Variants in TXLNB observed in about 807,000 individuals in gnomAD.
TXLNB encodes beta-taxilin.
TXLNB carries 37 observed loss-of-function variants against 57.4 expected under a neutral mutation model. That is an observed-to-expected ratio of 0.64 (90% CI 0.50 to 0.85). The LOEUF is 0.85. TXLNB is among the 40% of genes least tolerant of loss of function. The pLI, the probability that TXLNB is intolerant of heterozygous loss-of-function variation, is 0.00. For synonymous variants in TXLNB, 302 were observed against 309.6 expected (o/e 0.98, Z 0.26); for missense variants, 848 against 825.6 (o/e 1.03, Z -0.33).
the TXLNB span, among the ~76,000 whole-genome samples, chr6:139,225,331 A>G: frequency 6.6e-6 from 1 of 152,312 alleles, no homozygotes; most frequent in African/African-American, 2.4e-5. Flanking sequence ...TCCAAGTACA[A>G]TAATGCAAGA....
upstream of TXLNB, among the ~76,000 whole-genome samples, chr6:139,294,089 G>C (rs1412431312): frequency 1.3e-5 from 2 of 152,062 alleles, no homozygotes; most frequent in Non-Finnish European, 2.9e-5. Flanking sequence ...ATGAAAATAG[G>C]ATAAATTCCT....
At chr6:139,285,517 T>C in intron 2 of TXLNB, among the ~76,000 whole-genome samples, 1 of 144,728 alleles carries the variant, frequency 6.9e-6, no homozygotes, top group East Asian at 2.0e-4. Context: ...TGTTTTTCCA[T>C]GTTCCAAAAC....
chr6:139,196,266 ATAG>A, the TXLNB span, among the ~76,000 whole-genome samples: 2 of 152,202 alleles, frequency 1.3e-5, no homozygotes, highest in Non-Finnish European at 2.9e-5. Context: ...AGTTTAGAAA[ATAG>A]TAGTAGCAAT....
chr6:139,239,886 C>A (rs868276354), downstream of TXLNB, among the ~76,000 whole-genome samples: 77 of 151,778 alleles, frequency 5.1e-4, no homozygotes, highest in Admixed American at 4.6e-3. The surrounding 1 kb of genome is among the most constrained non-coding windows in gnomAD (Gnocchi z 4.7). Flanking sequence ...ACACACACAC[C>A]CCCGCCCCCA....
rs1165951028 is a variant in TXLNB, at chr6:139,270,546, C to T, written c.597G>A (p.Gln199=). The change falls in exon 4 of 10, where the codon CAG becomes CAA. Residue 199 remains glutamine (Q), a synonymous_variant. Transcript: ENST00000358430. ...TAGCTCTGCTGTGTTCACCTTGTAACTGGTCCTTTTCTTTTTGAATTTGTA... is the reference window on the plus strand; with the variant it reads ...TAGCTCTGCTGTGTTCACCTTGTAATTGGTCCTTTTCTTTTTGAATTTGTA... ...KQVQIQKEKD[Q]LQGEHSRAIL... The T allele has an allele frequency of 1.2e-6, 2 of 1,614,066 alleles. No individual in the cohort carries two copies. The highest frequency in any genetic ancestry group is 1.1e-5 in the South Asian group (1 of 91,090).
chr6:139,273,026 C>T (rs897549020), intron 3 of TXLNB, among the ~76,000 whole-genome samples: 4 of 151,882 alleles, frequency 2.6e-5, no homozygotes, highest in African/African-American at 7.3e-5. Context: ...AAGAGCAAGA[C>T]TCCATCTCAA....
chr6:139,204,851 T>C, the TXLNB span, among the ~76,000 whole-genome samples: 1 of 152,170 alleles, frequency 6.6e-6, no homozygotes, highest in South Asian at 2.1e-4. Context: ...TATTCTCCAC[T>C]CCCCTTGTAA....
At position 139,252,123 on chromosome 6, in the gene TXLNB, G is replaced by A. The variant is rs775261455; in HGVS notation, c.1077+3441C>T. ...CTTGTATAATTGAAAGCCAGACATC[G>A]CTTCCCTAAGTGAGAAGCCTGCCCC... On this transcript the variant is annotated intron_variant, in intron 7 of 9. Transcript: ENST00000358430. Among the ~76,000 whole-genome samples, 9 of 152,136 alleles carry A rather than the reference G, an allele frequency of 5.9e-5. No homozygotes were observed. In the South Asian group the frequency reaches 6.2e-4, roughly 10 times the overall value.
the TXLNB span, among the ~76,000 whole-genome samples, chr6:139,224,346 T>C: frequency 6.7e-6 from 1 of 149,766 alleles, no homozygotes; most frequent in Non-Finnish European, 1.5e-5. Context: ...TACCTAATGC[T>C]AGATGACGAG....
the TXLNB span, among the ~76,000 whole-genome samples, chr6:139,164,362 T>C: frequency 6.6e-6 from 1 of 151,506 alleles, no homozygotes. Flanking sequence ...GAAAGTGTTA[T>C]GAACATTGGG....
At position 139,247,299 on chromosome 6, in the gene TXLNB, G is replaced by A. The variant is rs112907504; in HGVS notation, c.1170+518C>T. Reference sequence around the variant, plus strand: ...TGGGACTACAGGCGCATGCCACCACGCCTGGCTAATTTTTGTGTTTTTAGT... The same window carrying A: ...TGGGACTACAGGCGCATGCCACCACACCTGGCTAATTTTTGTGTTTTTAGT... On this transcript the variant is annotated intron_variant, in intron 8 of 9. Transcript: ENST00000358430. Among the ~76,000 whole-genome samples, 453 of 151,902 alleles carry A rather than the reference G, an allele frequency of 3.0e-3. 1 individual carries two copies. Among genetic ancestry groups the A allele is most frequent in the Non-Finnish European group, 4.7e-3 (321 of 67,942 alleles).
the TXLNB span, among the ~76,000 whole-genome samples, chr6:139,322,339 G>C: frequency 1.3e-5 from 2 of 152,174 alleles, no homozygotes; most frequent in Non-Finnish European, 2.9e-5. Flanking sequence ...AGAAGGGCAA[G>C]GGTTGGGGGG....
Position 139,242,971 on chromosome 6 carries a change from G to A in TXLNB, c.1610C>T (p.Ala537Val). The change falls in exon 10 of 10, where the codon GCT becomes GTT. Residue 537 changes from alanine (A) to valine (V), a missense_variant. Physicochemically the swap from Ala to Val is moderately conservative, Grantham distance 64. Transcript: ENST00000358430. ...AGGGGGTTGCTCTGGCTCCTTGAGA[G>A]CGGCGTCAGCACTCTCCTGAGAACT... ...IGSSQESADA[A>V]LKEPEQPPLI... 6.2e-7 allele frequency: 1 copy of A among 1,614,150 alleles called. No homozygotes were observed. The highest frequency in any genetic ancestry group is 2.2e-5 in the East Asian group (1 of 44,874).
upstream of TXLNB, among the ~76,000 whole-genome samples, chr6:139,296,382 T>C (rs1266480005): frequency 6.6e-6 from 1 of 152,246 alleles, no homozygotes; most frequent in Non-Finnish European, 1.5e-5. Context: ...TTTTAATGTT[T>C]CTTAAAAATG....
downstream of TXLNB, among the ~76,000 whole-genome samples, chr6:139,238,222 C>T (rs1195429611): frequency 1.9e-4 from 29 of 152,018 alleles, no homozygotes; most frequent in Admixed American, 1.0e-3. Context: ...GGTGAAACCC[C>T]GTCTCTACTA....
chr6:139,224,481 CA>C, the TXLNB span, among the ~76,000 whole-genome samples: 325 of 149,508 alleles, frequency 2.2e-3, 2 homozygotes, highest in Non-Finnish European at 3.0e-3. Flanking sequence ...TTTAAAACTT[CA>C]AAAAAAAATA....
In TXLNB at chr6:139,243,179, CATCCTTTT is replaced by C; in HGVS notation, c.1394_1401del (p.Glu465GlyfsTer9). ...TCATCGGAGTTGTGCTGACTTTGGT[CATCCTTTT>C]CAGATATTTCTGCGTCTCTGATTTT... On this transcript the variant is annotated frameshift_variant, in exon 10 of 10. Transcript: ENST00000358430. LOFTEE classifies it low-confidence loss of function (END_TRUNC). 1 of 1,614,172 alleles carries C rather than the reference CATCCTTTT, an allele frequency of 6.2e-7. No individual in the cohort carries two copies. Among genetic ancestry groups the C allele is most frequent in the East Asian group, 2.2e-5 (1 of 44,886 alleles).
At position 139,242,752 on chromosome 6, in the gene TXLNB, G is replaced by T. The variant is rs768479626; in HGVS notation, c.1829C>A (p.Ala610Asp). ...GGGAGCCTGTGGGGCCTGACCGGAA[G>T]CTTCTGCCTCTGGCTTCCAGGACGC... ...DQASWKPEAEASGQAPQAPTE... is the reference protein window; with the variant it reads ...DQASWKPEAEDSGQAPQAPTE... Residue 610 changes from alanine (A) to aspartate (D), a missense_variant, in exon 10 of 10, where the codon GCT becomes GAT. By Grantham distance (126) the Ala-to-Asp change is moderately radical. Transcript: ENST00000358430. 2 of 1,614,130 alleles carry T rather than the reference G, an allele frequency of 1.2e-6. No individual in the cohort carries two copies. The highest frequency in any genetic ancestry group is 8.5e-7 in the Non-Finnish European group (1 of 1,180,002).
the TXLNB span, chr6:139,170,617 AGC>A: frequency 1.6e-4 from 25 of 152,492 alleles, no homozygotes; most frequent in Non-Finnish European, 2.1e-4. Context: ...TGCGATGAGG[AGC>A]TAGGGAGAGA....
Sources: allele counts gnomAD v4.1 joint callset (sites outside exome capture counted in the v4.1 genomes callset), GRCh38; gene constraint gnomAD v4.1.1; non-coding constraint Gnocchi (gnomAD v3.1); transcripts MANE v1.5; gene names NCBI Gene and HGNC (gene_info 2026-07-23, HGNC 2026-07-21).